FRMD4A: variants seen among roughly 807,000 people sequenced by gnomAD.
FRMD4A encodes FERM domain-containing protein 4A.
A neutral mutation model predicts 129.1 loss-of-function variants in FRMD4A; 29 were observed. The ratio of observed to expected loss-of-function variants is 0.22; its 90% CI spans 0.17 to 0.31. The LOEUF (loss-of-function observed/expected upper bound fraction) is 0.31. Ranked by LOEUF, FRMD4A falls within the 10% of genes least tolerant of loss-of-function variation. The pLI is 1.00. For missense variants in FRMD4A, 1,272 were observed against 1,375.8 expected, an observed-to-expected ratio of 0.92 and a Z score of 1.19; for synonymous variants, 634 against 571.6, an observed-to-expected ratio of 1.11 and a Z score of -1.56.
At chr10:14,035,152 C>T (rs1391625502) in intron 2 of FRMD4A, among the ~76,000 whole-genome samples, 1 of 152,180 alleles carries the variant, frequency 6.6e-6, no homozygotes, top group East Asian at 1.9e-4. Context: ...GTGGCTCACA[C>T]CTATAATCCC....
intron 2 of FRMD4A, among the ~76,000 whole-genome samples, chr10:14,111,479 A>G (rs1837898593): frequency 6.6e-6 from 1 of 152,180 alleles, no homozygotes; most frequent in Non-Finnish European, 1.5e-5. Flanking sequence ...CTCAGGAATT[A>G]CTTCACCTTA....
At chr10:14,273,992 A>C (rs1845253233) in intron 2 of FRMD4A, among the ~76,000 whole-genome samples, 1 of 152,132 alleles carries the variant, frequency 6.6e-6, no homozygotes, top group Non-Finnish European at 1.5e-5. Context: ...ATGCTGAGGG[A>C]GATGGTGGGG....
intron 2 of FRMD4A, among the ~76,000 whole-genome samples, chr10:14,115,463 T>C (rs1001624608): frequency 1.3e-5 from 2 of 152,228 alleles, no homozygotes; most frequent in African/African-American, 4.8e-5. Flanking sequence ...GGATATTGCT[T>C]ATATAATTGT....
At chr10:14,164,762 C>T (rs1166578899) in intron 2 of FRMD4A, among the ~76,000 whole-genome samples, 1 of 152,184 alleles carries the variant, frequency 6.6e-6, no homozygotes, top group Non-Finnish European at 1.5e-5. Flanking sequence ...TATCTGCTTT[C>T]CAAAATTCTT....
intron 2 of FRMD4A, among the ~76,000 whole-genome samples, chr10:14,170,211 G>A (rs918776388): frequency 3.9e-5 from 6 of 152,046 alleles, no homozygotes; most frequent in Non-Finnish European, 7.4e-5. Context: ...TGTATCTAAC[G>A]TGTTTCCAAA....
intron 2 of FRMD4A, among the ~76,000 whole-genome samples, chr10:14,302,334 A>G (rs1846212291): frequency 6.6e-6 from 1 of 152,226 alleles, no homozygotes; most frequent in Non-Finnish European, 1.5e-5. Context: ...GGACTCAGCA[A>G]AACAGATACA....
chr10:13,871,219 C>G (rs1343534824), intron 2 of FRMD4A: 1 of 164,938 alleles, frequency 6.1e-6, no homozygotes, highest in Non-Finnish European at 1.5e-5. Flanking sequence ...TTCTTTCTCC[C>G]TCCTCTTCCC....
At chr10:14,225,989 C>T (rs1196577787) in intron 2 of FRMD4A, among the ~76,000 whole-genome samples, 1 of 152,134 alleles carries the variant, frequency 6.6e-6, no homozygotes, top group African/African-American at 2.4e-5. Flanking sequence ...TTGCTAGTTC[C>T]TACAAGTAAA....
rs73601208 is a variant in FRMD4A, at chr10:14,191,609, A to G, written c.45+138449T>C. Among the ~76,000 whole-genome samples, 711 of 152,352 alleles carry G rather than the reference A, an allele frequency of 4.7e-3. 7 individuals carry two copies. The highest frequency in any genetic ancestry group is 0.015 in the African/African-American group (610 of 41,578). ...TCGGCTGTTGCTATGGAGACTTAAGAACCATGTGAATTGCTATGGCATCAT... is the reference window on the plus strand; with the variant it reads ...TCGGCTGTTGCTATGGAGACTTAAGGACCATGTGAATTGCTATGGCATCAT... On this transcript the variant is annotated intron_variant, in intron 2 of 24. Coordinates refer to ENST00000357447, the MANE Select transcript of FRMD4A (RefSeq NM_018027.5).
intron 2 of FRMD4A, among the ~76,000 whole-genome samples, chr10:14,316,560 A>T (rs183369517): frequency 3.0e-4 from 45 of 151,772 alleles, no homozygotes; most frequent in Non-Finnish European, 4.1e-4. Context: ...GCTTAAGCCA[A>T]TCAGTGCTTG....
chr10:13,952,777 T>C (rs1261146035), intron 2 of FRMD4A, among the ~76,000 whole-genome samples: 1 of 152,224 alleles, frequency 6.6e-6, no homozygotes, highest in Non-Finnish European at 1.5e-5. Flanking sequence ...CACTGCAGCC[T>C]CTGCCTTCCA....
chr10:14,023,515 G>T (rs936768928), intron 2 of FRMD4A, among the ~76,000 whole-genome samples: 1 of 152,206 alleles, frequency 6.6e-6, no homozygotes, highest in Non-Finnish European at 1.5e-5. Context: ...CTTCCCGGGG[G>T]CAGCGCAGTG....
At chr10:13,748,901 G>T (rs1195642960) in intron 8 of FRMD4A, among the ~76,000 whole-genome samples, 1 of 152,182 alleles carries the variant, frequency 6.6e-6, no homozygotes. Context: ...CCATTAGGCA[G>T]TTTTATGCAT....
chr10:14,176,304 G>A (rs1396898324), intron 2 of FRMD4A, among the ~76,000 whole-genome samples: 3 of 151,736 alleles, frequency 2.0e-5, no homozygotes, highest in African/African-American at 7.3e-5. Flanking sequence ...CATGTTTTTG[G>A]GTTTCTCTGT....
chr10:13,934,928 G>A (rs113204407), intron 2 of FRMD4A, among the ~76,000 whole-genome samples: 5,981 of 152,210 alleles, frequency 0.039, 195 homozygotes, highest in Admixed American at 0.092. Flanking sequence ...GGTAGCTTTG[G>A]CGTCAGGTGA....
At chr10:13,957,893 C>A (rs1432138458) in intron 2 of FRMD4A, among the ~76,000 whole-genome samples, 2 of 152,114 alleles carry the variant, frequency 1.3e-5, no homozygotes, top group Non-Finnish European at 2.9e-5. Context: ...AGGAACCCAC[C>A]GCTCTTTCCC....
At chr10:14,215,666 CA>C (rs1187424373) in intron 2 of FRMD4A, among the ~76,000 whole-genome samples, 10 of 152,058 alleles carry the variant, frequency 6.6e-5, no homozygotes, top group Non-Finnish European at 1.3e-4. Flanking sequence ...TTCTCCCACT[CA>C]TTCTGAAAGC....
intron 6 of FRMD4A, among the ~76,000 whole-genome samples, chr10:13,771,408 C>T (rs1278183169): frequency 6.6e-6 from 1 of 152,196 alleles, no homozygotes; most frequent in Non-Finnish European, 1.5e-5. Context: ...ACAAGATCTG[C>T]ACCCTCCCAA....
At chr10:14,095,758 A>G (rs972450169) in intron 2 of FRMD4A, among the ~76,000 whole-genome samples, 4 of 152,264 alleles carry the variant, frequency 2.6e-5, no homozygotes, top group African/African-American at 9.6e-5. Flanking sequence ...AAATAAGCAT[A>G]GCTAACATGC....
Sources: gnomAD v4.1 joint callset for allele counts (sites outside exome capture counted in the v4.1 genomes callset) on GRCh38, gnomAD v4.1.1 for gene constraint, MANE v1.5 for transcripts, NCBI Gene and HGNC (gene_info 2026-07-23, HGNC 2026-07-21) for gene names.